Variants in CEP112 observed in about 807,000 individuals in gnomAD.
CEP112 encodes centrosomal protein 112, also known as centrosomal protein of 112 kDa.
A neutral mutation model predicts 153.0 loss-of-function variants in CEP112; 127 were observed. That is an observed-to-expected ratio of 0.83 (90% CI 0.72 to 0.96). The LOEUF (loss-of-function observed/expected upper bound fraction) is 0.96, where lower values mean the gene tolerates loss of function less well. CEP112 is among the 40% of genes least tolerant of loss of function. CEP112 has a pLI of 0.00. For synonymous variants in CEP112, 358 were observed against 374.4 expected (o/e 0.96, Z 0.51); for missense variants, 1,089 against 1,101.2 (o/e 0.99, Z 0.16).
At chr17:66,174,551 C>T (rs529042804) in intron 4 of CEP112, among the ~76,000 whole-genome samples, 48 of 152,204 alleles carry the variant, frequency 3.2e-4, no homozygotes, top group African/African-American at 1.2e-3. Flanking sequence ...AAATCTATCC[C>T]TTCCCTAAAG....
At chr17:65,720,644 A>G (rs1321380529) in intron 23 of CEP112, among the ~76,000 whole-genome samples, 1 of 152,234 alleles carries the variant, frequency 6.6e-6, no homozygotes, top group Non-Finnish European at 1.5e-5. Context: ...TGGAGTACAG[A>G]CAGAAGCTAG....
chr17:65,909,681 A>T (rs9892378), intron 19 of CEP112, among the ~76,000 whole-genome samples: 5 of 152,240 alleles, frequency 3.3e-5, no homozygotes, highest in Admixed American at 2.6e-4. Context: ...AAAAACAAAC[A>T]TTAAATACAG....
At position 66,030,000 on chromosome 17, in the gene CEP112, C is replaced by T. The variant is rs761163954; in HGVS notation, c.1242G>A (p.Glu414=). The part of the protein sequence containing the change: ...QSTNHMIKEL[E]ARVQQLTGEA... The stretch of plus-strand genomic sequence containing the variant: ...CTCCAGTCAGCTGCTGGACACGGGC[C>T]TCCAGTTCTTTGATCATGTGGTTCT... The change falls in exon 13 of 27, where the codon GAG becomes GAA. Residue 414 remains glutamate (E), a synonymous_variant. Coordinates refer to ENST00000535342, the MANE Select transcript of CEP112 (RefSeq NM_001199165.4). 5.0e-6 allele frequency: 8 copies of T among 1,613,644 alleles called. No individual in the cohort carries two copies. The highest frequency in any genetic ancestry group is 1.7e-4 in the Middle Eastern group (1 of 6,056).
rs777326885 is a variant in CEP112, at chr17:65,659,015, C to CAAAAAAA, written c.2698-17957_2698-17951dup. Among the ~76,000 whole-genome samples the CAAAAAAA allele has an allele frequency of 6.6e-3, 366 of 55,554 alleles. 39 individuals carry two copies. Among genetic ancestry groups the CAAAAAAA allele is most frequent in the African/African-American group, 0.02 (349 of 17,204 alleles). 36.4% of individuals were successfully genotyped at this position (55,554 alleles called of 152,430 possible). A position where few individuals can be genotyped will look rare whatever the true frequency, so the allele number is the denominator to read the frequency against. ...TGGGTGACAGAGCGAGACTCTGTCTCAAAAAAAAAAAAAAAAAAAAAAAAA... is the reference window on the plus strand; with the variant it reads ...TGGGTGACAGAGCGAGACTCTGTCTCAAAAAAAAAAAAAAAAAAAAAAAAAAAAAAAA... On this transcript the variant is annotated intron_variant, in intron 24 of 26. Transcript: ENST00000535342.
At chr17:65,786,572 C>CTTTTTTTTTTTTTT (rs1195368604) in intron 21 of CEP112, among the ~76,000 whole-genome samples, 70 of 101,582 alleles carry the variant, frequency 6.9e-4, no homozygotes, top group East Asian at 8.6e-4. Flanking sequence ...TTAGCCAATT[C>CTTTTTTTTTTTTTT]TTTTTTTTTT....
chr17:65,990,589 G>A (rs775564894), intron 17 of CEP112, among the ~76,000 whole-genome samples: 3 of 152,234 alleles, frequency 2.0e-5, no homozygotes, highest in Non-Finnish European at 2.9e-5. Flanking sequence ...ACCTGGACTG[G>A]CCCATGCCCA....
intron 8 of CEP112, among the ~76,000 whole-genome samples, chr17:66,071,463 A>G (rs2067305683): frequency 6.6e-6 from 1 of 152,156 alleles, no homozygotes; most frequent in Non-Finnish European, 1.5e-5. Context: ...TCTAAGAGAC[A>G]TGATTCATTG....
At chr17:65,756,500 T>A (rs1474909376) in intron 21 of CEP112, among the ~76,000 whole-genome samples, 1 of 150,688 alleles carries the variant, frequency 6.6e-6, no homozygotes, top group Non-Finnish European at 1.5e-5. Flanking sequence ...CTCAGTTGTG[T>A]CAAATGCTAC....
At position 66,110,987 on chromosome 17, in the gene CEP112, A is replaced by G. The variant is rs1053433524; in HGVS notation, c.643-14355T>C. Reference sequence around the variant, plus strand: ...GACTAGGGTCTAATATCCCGCATCAATAAGGAACTTAAACAAATTTACAAG... The same window carrying G: ...GACTAGGGTCTAATATCCCGCATCAGTAAGGAACTTAAACAAATTTACAAG... On this transcript the variant is annotated intron_variant, in intron 6 of 26. Transcript: ENST00000535342. 2.6e-5 allele frequency among the ~76,000 whole-genome samples: 4 copies of G among 152,326 alleles called. No individual in the cohort carries two copies. The East Asian group carries it at 7.7e-4, about 29-fold the overall frequency.
chr17:65,967,090 C>T lies in CEP112; in HGVS notation c.1737-5492G>A, dbSNP rs1404697933. 3.3e-5 allele frequency among the ~76,000 whole-genome samples: 5 copies of T among 152,032 alleles called. No homozygotes were observed. The South Asian group carries it at 8.3e-4, about 25-fold the overall frequency. The stretch of plus-strand genomic sequence containing the variant: ...CTAAGGGAAAAGCTTGAAACAGGTA[C>T]GATAATAGCATAAAGAAGTTCTACA... On this transcript the variant is annotated intron_variant, in intron 17 of 26. Transcript: ENST00000535342.
chr17:66,185,398 T>C (rs1568593781), intron 1 of CEP112, among the ~76,000 whole-genome samples: 1 of 152,114 alleles, frequency 6.6e-6, no homozygotes, highest in Non-Finnish European at 1.5e-5. Context: ...AACTTTTCTA[T>C]TTTTAGTAGA....
chr17:66,147,331 C>T (rs146335572), intron 4 of CEP112, among the ~76,000 whole-genome samples: 21 of 152,118 alleles, frequency 1.4e-4, no homozygotes, highest in African/African-American at 4.8e-4. Context: ...GTCCTTTCCC[C>T]ATCTTTTAAT....
chr17:66,069,035 T>C (rs1376918845), intron 9 of CEP112, among the ~76,000 whole-genome samples: 1 of 151,810 alleles, frequency 6.6e-6, no homozygotes, highest in Non-Finnish European at 1.5e-5. Flanking sequence ...AGTCAGTGGT[T>C]TCCTCCTTAT....
chr17:65,693,645 G>A (rs959169445), intron 23 of CEP112, among the ~76,000 whole-genome samples: 3 of 152,166 alleles, frequency 2.0e-5, no homozygotes, highest in African/African-American at 7.2e-5. Context: ...CTAAGCACAA[G>A]TCAGAAGCGG....
At chr17:65,899,135 T>C (rs72831474) in intron 20 of CEP112, among the ~76,000 whole-genome samples, 3,036 of 152,290 alleles carry the variant, frequency 0.02, 43 homozygotes, top group South Asian at 0.074. Flanking sequence ...ATTGAATCAA[T>C]GAGATCATTC....
intron 11 of CEP112, among the ~76,000 whole-genome samples, chr17:66,057,225 G>A (rs991779481): frequency 6.6e-6 from 1 of 152,126 alleles, no homozygotes; most frequent in Non-Finnish European, 1.5e-5. Flanking sequence ...AAGAGACAGG[G>A]GTCTCCTGAA....
chr17:66,181,829 A>T (rs1250905420), intron 2 of CEP112: 1 of 152,260 alleles, frequency 6.6e-6, no homozygotes, highest in African/African-American at 2.4e-5. Flanking sequence ...ATATCATTCA[A>T]ATAATCATGA....
rs772190847 is a variant in CEP112, at chr17:66,044,921, T to C, written c.1218+8815A>G. Among the ~76,000 whole-genome samples the C allele has an allele frequency of 6.8e-4, 103 of 152,190 alleles. 1 individual carries two copies. Among genetic ancestry groups the C allele is most frequent in the Middle Eastern group, 3.4e-3 (1 of 294 alleles). On this transcript the variant is annotated intron_variant, in intron 12 of 26. Transcript: ENST00000535342. Reference sequence around the variant, plus strand: ...TGATGATTTATTTGTATCCTAAATATATAAAATGTTCCTATAAATCAAGGA... The same window carrying C: ...TGATGATTTATTTGTATCCTAAATACATAAAATGTTCCTATAAATCAAGGA...
intron 24 of CEP112, among the ~76,000 whole-genome samples, chr17:65,657,815 T>C (rs1417369986): frequency 6.6e-6 from 1 of 152,196 alleles, no homozygotes; most frequent in East Asian, 1.9e-4. Flanking sequence ...CTCCCTGATA[T>C]TTACAATTTA....
Sources: gnomAD v4.1 joint callset for allele counts (sites outside exome capture counted in the v4.1 genomes callset) on GRCh38, gnomAD v4.1.1 for gene constraint, MANE v1.5 for transcripts, NCBI Gene and HGNC (gene_info 2026-07-23, HGNC 2026-07-21) for gene names.